Variants in PHKA2 observed in about 807,000 individuals in gnomAD.
PHKA2 encodes phosphorylase kinase regulatory subunit alpha 2, also known as phosphorylase b kinase regulatory subunit alpha, liver isoform.
PHKA2 carries 31 observed loss-of-function variants against 102.0 expected under a neutral mutation model. The ratio of observed to expected loss-of-function variants is 0.30; its 90% CI spans 0.23 to 0.41. The LOEUF (loss-of-function observed/expected upper bound fraction) is 0.41, where lower values mean the gene tolerates loss of function less well. Ranked by LOEUF, PHKA2 falls within the 10% of genes least tolerant of loss-of-function variation. The pLI, the probability that PHKA2 is intolerant of heterozygous loss-of-function variation, is 1.00. For missense variants in PHKA2, 858 were observed against 1,023.1 expected (o/e 0.84, Z 2.20); for synonymous variants, 455 against 416.2 (o/e 1.09, Z -1.13).
chrX:18,917,955 T>C (rs2048049077), intron 19 of PHKA2, among the ~76,000 whole-genome samples: 1 of 110,181 alleles, frequency 9.1e-6, no homozygotes. Flanking sequence ...TATTCTAGAA[T>C]GTGCTCCACC....
rs1279300583 is a variant in PHKA2, at chrX:18,951,271, A to T, written c.287T>A (p.Val96Glu). The change falls in exon 4 of 33, where the codon GTG (valine) becomes GAG (glutamate). Residue 96 changes from valine to glutamate, a missense_variant and splice_region_variant. Transcript: ENST00000379942. ...RGLLQCMMRQ[V>E]AKVEKFKHTQ... Reference sequence around the variant, plus strand: ...GTGTTTGAACTTCTCCACTTTGGCCACCTGAGGGAGAAGGCAAGCCCGCTC... The same window carrying T: ...GTGTTTGAACTTCTCCACTTTGGCCTCCTGAGGGAGAAGGCAAGCCCGCTC... 1 of 1,209,194 alleles carries T rather than the reference A, an allele frequency of 8.3e-7. No homozygotes were observed. The highest frequency in any genetic ancestry group is 1.1e-6 in the Non-Finnish European group (1 of 894,405).
Position 18,906,729 on chromosome X carries a change from C to A in PHKA2, c.2676+7G>T, listed in dbSNP as rs1569297589. The A allele has an allele frequency of 8.3e-7, 1 of 1,209,201 alleles. No individual in the cohort carries two copies. On this transcript the variant is annotated splice_region_variant and intron_variant, in intron 24 of 32. Transcript: ENST00000379942. ...GTGGCCCGACCCCTCCCACACCAGCCCCAGACCTGCGTGAGGACGGCAATG... is the reference window on the plus strand; with the variant it reads ...GTGGCCCGACCCCTCCCACACCAGCACCAGACCTGCGTGAGGACGGCAATG...
At chrX:18,970,336 C>T (rs2049003684) in intron 1 of PHKA2, among the ~76,000 whole-genome samples, 1 of 112,616 alleles carries the variant, frequency 8.9e-6, no homozygotes, top group African/African-American at 3.2e-5. Flanking sequence ...GCCCTACATA[C>T]TTATTTTTGT....
At chrX:18,894,175 C>A in intron 32 of PHKA2, 29 bp downstream of exon 32, 2 of 1,178,366 alleles carry the variant, frequency 1.7e-6, no homozygotes, top group Non-Finnish European at 2.3e-6. Context: ...AGATAAATGC[C>A]AGCCAACCCA....
rs762576864 is a variant in PHKA2 at position 18,929,303 on chromosome X, A to G, written c.1249T>C (p.Phe417Leu). The G allele has an allele frequency of 1.7e-5, 19 of 1,140,835 alleles. No individual in the cohort carries two copies. Among genetic ancestry groups the G allele is most frequent in the Non-Finnish European group, 2.0e-5 (17 of 844,558 alleles). 94.0% of individuals were successfully genotyped at this position (1,140,835 alleles called of 1,213,427 possible). The change falls in exon 13 of 33, where the codon TTC becomes CTC. Residue 417 changes from phenylalanine (F) to leucine (L), a missense_variant. Physicochemically the swap from Phe to Leu is conservative, Grantham distance 22. Coordinates refer to ENST00000379942, the MANE Select transcript of PHKA2 (RefSeq NM_000292.3). ...YILSSLLAEG[F>L]LAAGEIDPLN... is the part of the protein sequence containing the mutation. ...GGATCGATTTCACCAGCGGCAAGGA[A>G]TCCCTATGAAAAGAGGAGCATTAAC...
chrX:18,966,831 G>A (rs1429254115), intron 1 of PHKA2, among the ~76,000 whole-genome samples: 1 of 112,000 alleles, frequency 8.9e-6, no homozygotes, highest in Non-Finnish European at 1.9e-5. Context: ...GGTCCCTGGA[G>A]AAGGGCACTT....
In PHKA2 at chrX:18,931,652, G is replaced by A; in HGVS notation, c.1234C>T (p.Leu412=). 1 of 1,197,094 alleles carries A rather than the reference G, an allele frequency of 8.4e-7. No homozygotes were observed. The highest frequency in any genetic ancestry group is 1.1e-6 in the Non-Finnish European group (1 of 882,065). The change falls in exon 12 of 33, where the codon CTG becomes TTG. Residue 412 remains leucine (L), a synonymous_variant. Transcript: ENST00000379942. ...WGQSLYILSS[L]LAEGFLAAGE... is the part of the protein sequence containing the mutation. ...CACTAAGCCCCTACCTCTGCCAACA[G>A]CGAGCTGAGGATGTACAAGGATTGG...
At chrX:18,976,894 G>A (rs1020075896) in intron 1 of PHKA2, among the ~76,000 whole-genome samples, 1 of 111,948 alleles carries the variant, frequency 8.9e-6, no homozygotes, top group Non-Finnish European at 1.9e-5. Context: ...TTTGCTGTCT[G>A]TTTTATAGTA....
chrX:18,908,472 C>T (rs1215848057), intron 21 of PHKA2, among the ~76,000 whole-genome samples: 1 of 112,466 alleles, frequency 8.9e-6, no homozygotes, highest in African/African-American at 3.2e-5. Context: ...TGTTTTCCCC[C>T]AATTCCTATG....
intron 1 of PHKA2, among the ~76,000 whole-genome samples, chrX:18,978,082 G>A (rs1452357927): frequency 1.8e-5 from 2 of 110,658 alleles, no homozygotes; most frequent in African/African-American, 6.6e-5. Flanking sequence ...GCTTGAACTC[G>A]GGAGGCGGAG....
At chrX:18,978,992 C>T (rs1379598552) in intron 1 of PHKA2, among the ~76,000 whole-genome samples, 1 of 109,869 alleles carries the variant, frequency 9.1e-6, no homozygotes, top group Non-Finnish European at 1.9e-5. Context: ...AAAAATTAGC[C>T]AGGTATGGTG....
chrX:18,948,650 G>A, intron 5 of PHKA2, 94 bp downstream of exon 5: 1 of 585,505 alleles, frequency 1.7e-6, no homozygotes, highest in Non-Finnish European at 3.0e-6. Flanking sequence ...ACCTTTTGGT[G>A]AGCCCCAAAC....
chrX:18,916,365 C>T (rs910686520), intron 19 of PHKA2, among the ~76,000 whole-genome samples: 7 of 111,917 alleles, frequency 6.3e-5, no homozygotes, highest in Non-Finnish European at 1.1e-4. Context: ...ACCCAGGAGG[C>T]GGAGGTTGCA....
At chrX:18,894,728 TG>T in intron 31 of PHKA2, 1 of 385,328 alleles carries the variant, frequency 2.6e-6, no homozygotes, top group Non-Finnish European at 4.5e-6. Flanking sequence ...GTGCTTTGGG[TG>T]GGGTAAAACT....
Position 18,924,526 on chromosome X carries a change from C to T in PHKA2, c.1570-1G>A, listed in dbSNP as rs752232451. On this transcript the variant is annotated splice_acceptor_variant, in intron 15 of 32. Coordinates refer to ENST00000379942, the MANE Select transcript of PHKA2 (RefSeq NM_000292.3). LOFTEE classifies it high-confidence loss of function. ...GGTAGAAGTGATGCTGGTCGGTGAA[C>T]TGAAAGTCAGAGGAGGCTGGGTAAA... 1 of 1,210,841 alleles carries T rather than the reference C, an allele frequency of 8.3e-7. No homozygotes were observed. The highest frequency in any genetic ancestry group is 1.7e-5 in the African/African-American group (1 of 57,761).
chrX:18,952,834 T>C (rs374889859), intron 2 of PHKA2, among the ~76,000 whole-genome samples: 9 of 112,425 alleles, frequency 8.0e-5, no homozygotes, highest in Admixed American at 3.8e-4. Context: ...TTTCTGTAAG[T>C]GTAGTACTCT....
chrX:18,950,106 G>A (rs1376474533), intron 4 of PHKA2, among the ~76,000 whole-genome samples: 2 of 111,734 alleles, frequency 1.8e-5, no homozygotes, highest in African/African-American at 3.3e-5. Context: ...GAGGCCTGGC[G>A]TCCAGGCTGC....
rs985400658 is a variant in PHKA2 at position 18,893,713 on chromosome X, T to G, written c.3538-58A>C. 1.2e-5 allele frequency: 13 copies of G among 1,082,462 alleles called. No homozygotes were observed. The African/African-American group carries it at 1.8e-4, about 15-fold the overall frequency. 89.2% of individuals were successfully genotyped at this position (1,082,462 alleles called of 1,213,427 possible). A position where few individuals can be genotyped will look rare whatever the true frequency, so the allele number is the denominator to read the frequency against. Reference sequence around the variant, plus strand: ...CGGAGCCCCCACTCCCCGTCACGCTTCTGCGTGGTGGTGGCAGCGGGTCAA... The same window carrying G: ...CGGAGCCCCCACTCCCCGTCACGCTGCTGCGTGGTGGTGGCAGCGGGTCAA... On this transcript the variant is annotated intron_variant, in intron 32 of 32. Coordinates refer to ENST00000379942, the MANE Select transcript of PHKA2 (RefSeq NM_000292.3).
At chrX:18,969,760 C>A in intron 1 of PHKA2, among the ~76,000 whole-genome samples, 1 of 111,823 alleles carries the variant, frequency 8.9e-6, no homozygotes, top group South Asian at 3.7e-4. Flanking sequence ...TGTGAACTGT[C>A]ACACTACTCC....
Sources: allele counts gnomAD v4.1 joint callset (sites outside exome capture counted in the v4.1 genomes callset), GRCh38; gene constraint gnomAD v4.1.1; transcripts MANE v1.5; gene names NCBI Gene and HGNC (gene_info 2026-07-23, HGNC 2026-07-21).